TENT5D: variants seen among roughly 807,000 people sequenced by gnomAD.
The protein encoded by TENT5D is terminal nucleotidyltransferase 5D, also known as cancer/testis antigen 112.
For synonymous variants in TENT5D, 103 were observed against 100.6 expected (o/e 1.02, Z -0.15); for missense variants, 191 against 287.0 (o/e 0.67, Z 2.42).
chrX:80,442,585 A>G (rs1569376798), exon 3 of TENT5D: 2 of 1,207,944 alleles, frequency 1.7e-6, no homozygotes, highest in Non-Finnish European at 1.1e-6. Context: ...TCAAGTTATA[A>G]CACTGGATCA....
chrX:80,364,245 C>G (rs199907756), intron 3 of TENT5D, among the ~76,000 whole-genome samples: 3 of 111,567 alleles, frequency 2.7e-5, no homozygotes, highest in East Asian at 5.6e-4. Context: ...CTAATGATTA[C>G]CCCTAATTCA....
chrX:80,428,023 C>T (rs1190012123), intron 1 of TENT5D, among the ~76,000 whole-genome samples: 1 of 112,455 alleles, frequency 8.9e-6, no homozygotes, highest in Non-Finnish European at 1.9e-5. Context: ...TAAATATCCA[C>T]TTTTAATTAA....
At chrX:80,386,513 A>G (rs182654156) in intron 3 of TENT5D, among the ~76,000 whole-genome samples, 2 of 111,312 alleles carry the variant, frequency 1.8e-5, no homozygotes, top group East Asian at 5.6e-4. Context: ...TATGTAACAA[A>G]CATGCACATT....
chrX:80,443,104 G>A, exon 3 of TENT5D: 1 of 1,211,037 alleles, frequency 8.3e-7, no homozygotes, highest in Non-Finnish European at 1.1e-6. Context: ...CTTCTACAGT[G>A]ACAAAAATGC....
intron 3 of TENT5D, among the ~76,000 whole-genome samples, chrX:80,400,936 T>C (rs1256754668): frequency 1.8e-5 from 2 of 111,718 alleles, no homozygotes; most frequent in African/African-American, 6.5e-5. Flanking sequence ...TCGGATTATT[T>C]TTCTATATGT....
At chrX:80,358,811 A>G (rs1930343154) in intron 3 of TENT5D, among the ~76,000 whole-genome samples, 1 of 112,100 alleles carries the variant, frequency 8.9e-6, no homozygotes, top group Admixed American at 9.6e-5. Context: ...CATTAAACAC[A>G]TGGAAAACAT....
rs1344579719 is a variant in TENT5D, at chrX:80,436,550, A to G, written c.-141-2060A>G. On this transcript the variant is annotated intron_variant, in intron 1 of 2. Transcript: ENST00000308293. ...ATGCTATTCCTCCCCTAGCCCCCCA[A>G]CCCCGATAGGTCCCGGTGTGTGATG... 5.5e-5 allele frequency among the ~76,000 whole-genome samples: 6 copies of G among 108,224 alleles called. No individual in the cohort carries two copies. In the Admixed American group the frequency reaches 6.0e-4, roughly 11 times the overall value. The allele number at this position is 108,224 out of a possible 115,157, so 94.0% of individuals were successfully genotyped here. A position where few individuals can be genotyped will look rare whatever the true frequency, so the allele number is the denominator to read the frequency against.
At chrX:80,367,872 G>T (rs1930541259) in intron 3 of TENT5D, among the ~76,000 whole-genome samples, 1 of 111,618 alleles carries the variant, frequency 9.0e-6, no homozygotes, top group South Asian at 3.7e-4. Context: ...AGAGGGGGAA[G>T]TAGTGATGGT....
intron 3 of TENT5D, among the ~76,000 whole-genome samples, chrX:80,374,602 T>G (rs773115394): frequency 4.5e-5 from 5 of 110,968 alleles, no homozygotes; most frequent in African/African-American, 1.6e-4. Context: ...TCAGTAAAGG[T>G]GTTGATAGTT....
intron 2 of TENT5D, 27 bp from the exon 3 acceptor site, chrX:80,442,495 C>A (rs1418772394): frequency 1.9e-6 from 2 of 1,065,044 alleles, no homozygotes; most frequent in Non-Finnish European, 1.3e-6. Context: ...TAACATATTT[C>A]TTCCCAATAT....
intron 2 of TENT5D, among the ~76,000 whole-genome samples, chrX:80,340,697 C>CCTG (rs1420014365): frequency 1.8e-5 from 2 of 111,416 alleles, no homozygotes; most frequent in Admixed American, 9.7e-5. Flanking sequence ...AGGAGACTGT[C>CCTG]CTGTGTAGTG....
chrX:80,435,599 C>A (rs181023098), intron 1 of TENT5D, among the ~76,000 whole-genome samples: 12 of 112,207 alleles, frequency 1.1e-4, no homozygotes, highest in Middle Eastern at 9.7e-3. Context: ...ACAAATTTTA[C>A]CCAAGGTATC....
chrX:80,366,595 A>G (rs2147524171), intron 3 of TENT5D, among the ~76,000 whole-genome samples: 1 of 111,500 alleles, frequency 9.0e-6, no homozygotes, highest in East Asian at 2.8e-4. Context: ...AAAAAGTCAT[A>G]TATTGTATTC....
chrX:80,404,516 ATTAATGG>A (rs1168029506), intron 3 of TENT5D, among the ~76,000 whole-genome samples: 1 of 111,921 alleles, frequency 8.9e-6, no homozygotes, highest in Non-Finnish European at 1.9e-5. Context: ...TGCCTTTGAT[ATTAATGG>A]TTAATTTCTA....
At chrX:80,428,406 C>T (rs1331164585) in intron 1 of TENT5D, among the ~76,000 whole-genome samples, 2 of 112,319 alleles carry the variant, frequency 1.8e-5, no homozygotes, top group East Asian at 2.8e-4. Flanking sequence ...GGCTGGCCAT[C>T]CTTTAGCCAT....
At chrX:80,352,742 A>AC (rs1930209787) in intron 3 of TENT5D, among the ~76,000 whole-genome samples, 1 of 107,822 alleles carries the variant, frequency 9.3e-6, no homozygotes, top group East Asian at 2.9e-4. Flanking sequence ...AAAAAAAAAA[A>AC]AAAACTCCTG....
intron 3 of TENT5D, among the ~76,000 whole-genome samples, chrX:80,402,050 T>A (rs1449337638): frequency 8.9e-6 from 1 of 111,816 alleles, no homozygotes; most frequent in Admixed American, 9.5e-5. Context: ...ATGGGAGATT[T>A]TTTGTTACTG....
intron 3 of TENT5D, among the ~76,000 whole-genome samples, chrX:80,386,198 A>G (rs1413783548): frequency 8.9e-6 from 1 of 112,456 alleles, no homozygotes; most frequent in Non-Finnish European, 1.9e-5. Flanking sequence ...GATAGACTGG[A>G]TTAAGAAAAT....
chrX:80,428,858 A>T (rs1434496264), intron 1 of TENT5D, among the ~76,000 whole-genome samples: 1 of 112,052 alleles, frequency 8.9e-6, no homozygotes, highest in Non-Finnish European at 1.9e-5. Context: ...GAGACCCTAT[A>T]TTCCCTTTTA....
Sources: gnomAD v4.1 joint callset for allele counts (sites outside exome capture counted in the v4.1 genomes callset) on GRCh38, gnomAD v4.1.1 for gene constraint, MANE v1.5 for transcripts, NCBI Gene and HGNC (gene_info 2026-07-23, HGNC 2026-07-21) for gene names.